Variants in IRAK2 observed in about 807,000 individuals in gnomAD.
IRAK2 encodes the protein interleukin 1 receptor associated kinase 2.
In IRAK2, 57 loss-of-function variants were observed where a neutral mutation model predicts 72.0. The observed-to-expected ratio is 0.79, with a 90% CI of 0.64 to 0.99. The LOEUF (loss-of-function observed/expected upper bound fraction) is 0.99. Ranked by LOEUF, IRAK2 falls within the 50% of genes least tolerant of loss-of-function variation. The pLI is 0.00. For synonymous variants in IRAK2, 293 were observed against 312.7 expected, an observed-to-expected ratio of 0.94 and a Z score of 0.67; for missense variants, 790 against 794.4, an observed-to-expected ratio of 0.99 and a Z score of 0.07.
intron 10 of IRAK2, among the ~76,000 whole-genome samples, chr3:10,229,728 A>G (rs1697830728): frequency 6.6e-6 from 1 of 152,270 alleles, no homozygotes; most frequent in Non-Finnish European, 1.5e-5. Context: ...TTATCCATTT[A>G]CCAGTTGCTG....
chr3:10,193,616 C>T (rs925479048), intron 2 of IRAK2, among the ~76,000 whole-genome samples: 7 of 152,178 alleles, frequency 4.6e-5, no homozygotes, highest in Admixed American at 2.0e-4. Context: ...GAGCAAGACT[C>T]TGCCTCAAAA....
chr3:10,227,653 C>T (rs920335312), intron 10 of IRAK2, among the ~76,000 whole-genome samples: 3 of 150,774 alleles, frequency 2.0e-5, no homozygotes, highest in East Asian at 2.0e-4. Flanking sequence ...CTCCCTGAGC[C>T]GACATCATGA....
intron 1 of IRAK2, among the ~76,000 whole-genome samples, chr3:10,165,949 G>C (rs572649351): frequency 7.2e-5 from 11 of 151,884 alleles, no homozygotes; most frequent in Admixed American, 2.0e-4. Flanking sequence ...AGGATGGTCT[G>C]GATCTCCTGA....
rs536207712 is a variant in IRAK2 at position 10,175,822 on chromosome 3, G to A, written c.95-2016G>A. Among the ~76,000 whole-genome samples the A allele has an allele frequency of 1.1e-3, 166 of 149,860 alleles. 1 individual carries two copies. Among genetic ancestry groups the A allele is most frequent in the Middle Eastern group, 0.01 (3 of 290 alleles). ...GGAGAATGGCCTGAACCCGGGAGGC[G>A]GAGCTTGCAGTGAGCTCAGGAGTGC... is the stretch of plus-strand genomic sequence containing the variant. On this transcript the variant is annotated intron_variant, in intron 1 of 12. Coordinates refer to ENST00000256458, the MANE Select transcript of IRAK2 (RefSeq NM_001570.4).
At chr3:10,210,405 C>T (rs182089942) in intron 4 of IRAK2, among the ~76,000 whole-genome samples, 9 of 151,970 alleles carry the variant, frequency 5.9e-5, no homozygotes, top group South Asian at 2.1e-4. Context: ...CATATTGGTA[C>T]GAAGATAAAT....
intron 11 of IRAK2, among the ~76,000 whole-genome samples, chr3:10,237,805 CAAAAA>C (rs751642671): frequency 3.6e-5 from 2 of 55,806 alleles, no homozygotes; most frequent in East Asian, 5.2e-4. Context: ...GACTCTGTCT[CAAAAA>C]AAAAAAAAAA....
At chr3:10,205,856 G>T (rs1309864682) in intron 3 of IRAK2, among the ~76,000 whole-genome samples, 1 of 152,226 alleles carries the variant, frequency 6.6e-6, no homozygotes, top group Admixed American at 6.5e-5. Context: ...CTTGGAGACC[G>T]GATGAACATA....
At chr3:10,185,456 G>C (rs549126629) in intron 2 of IRAK2, among the ~76,000 whole-genome samples, 64 of 149,336 alleles carry the variant, frequency 4.3e-4, no homozygotes, top group Non-Finnish European at 7.4e-4. Flanking sequence ...ACTCAGGAAG[G>C]CTGAGGCAGG....
chr3:10,194,541 C>T (rs1697234682), intron 2 of IRAK2, among the ~76,000 whole-genome samples: 1 of 152,206 alleles, frequency 6.6e-6, no homozygotes, highest in African/African-American at 2.4e-5. Context: ...CCTCCTTTGC[C>T]TCATCCTGCC....
chr3:10,237,115 TAG>T (rs1349322852), intron 11 of IRAK2, among the ~76,000 whole-genome samples: 1 of 152,188 alleles, frequency 6.6e-6, no homozygotes, highest in Admixed American at 6.5e-5. Context: ...TCTCACATAA[TAG>T]AGAGCAGAAC....
At position 10,197,635 on chromosome 3, in the gene IRAK2, G is replaced by C. The variant is rs1697290511; in HGVS notation, c.278-2734G>C. Among the ~76,000 whole-genome samples the C allele has an allele frequency of 2.0e-5, 3 of 151,938 alleles. No homozygotes were observed. The South Asian group carries it at 6.2e-4, about 32-fold the overall frequency. On this transcript the variant is annotated intron_variant, in intron 2 of 12. Coordinates refer to ENST00000256458, the MANE Select transcript of IRAK2 (RefSeq NM_001570.4). ...TGGGAGGCTGAAGAGGGCGGATCAT[G>C]AGGTCAGGAGATCGAGACCATCCTG...
At chr3:10,190,741 G>A (rs1697162249) in intron 2 of IRAK2, among the ~76,000 whole-genome samples, 1 of 152,160 alleles carries the variant, frequency 6.6e-6, no homozygotes, top group Admixed American at 6.5e-5. Context: ...CTCAGATGAT[G>A]CATTAGCCAG....
intron 1 of IRAK2, among the ~76,000 whole-genome samples, chr3:10,170,607 T>C (rs1696779544): frequency 6.6e-6 from 1 of 152,202 alleles, no homozygotes; most frequent in Non-Finnish European, 1.5e-5. Context: ...TCTCTCCCTA[T>C]GGAATGGAAG....
At chr3:10,184,484 GT>G in intron 2 of IRAK2, among the ~76,000 whole-genome samples, 1 of 152,036 alleles carries the variant, frequency 6.6e-6, no homozygotes, top group Middle Eastern at 3.4e-3. Flanking sequence ...TGTGGGTGAT[GT>G]GTAGCCTTCT....
At chr3:10,221,283 G>T (rs2629458) in intron 8 of IRAK2, among the ~76,000 whole-genome samples, 99,951 of 135,924 alleles carry the variant, frequency 0.74, 37,542 homozygotes, top group East Asian at 0.99. Context: ...AGATGGAGTC[G>T]CGCTCTGTGG....
chr3:10,172,223 C>G lies in IRAK2; in HGVS notation c.95-5615C>G, dbSNP rs556650069. Among the ~76,000 whole-genome samples, 27 of 151,314 alleles carry G rather than the reference C, an allele frequency of 1.8e-4. No homozygotes were observed. The South Asian group carries it at 4.4e-3, about 25-fold the overall frequency. ...GTTTCTACTAAAAAAAAAAATTAGCCGGGCATGGTGGCAGGCGCCTGTAGT... is the reference window on the plus strand; with the variant it reads ...GTTTCTACTAAAAAAAAAAATTAGCGGGGCATGGTGGCAGGCGCCTGTAGT... On this transcript the variant is annotated intron_variant, in intron 1 of 12. Transcript: ENST00000256458.
At chr3:10,205,968 G>A (rs547123282) in intron 3 of IRAK2, among the ~76,000 whole-genome samples, 65 of 152,232 alleles carry the variant, frequency 4.3e-4, no homozygotes, top group African/African-American at 1.5e-3. Flanking sequence ...TCTGCAGGAC[G>A]GGGGCCCTGT....
intron 4 of IRAK2, among the ~76,000 whole-genome samples, chr3:10,212,446 C>T (rs1304569946): frequency 6.6e-6 from 1 of 152,120 alleles, no homozygotes. Context: ...TCCTACTTCC[C>T]AGGAGTCTGG....
At chr3:10,230,287 C>A (rs902380005) in intron 10 of IRAK2, among the ~76,000 whole-genome samples, 1 of 151,746 alleles carries the variant, frequency 6.6e-6, no homozygotes, top group Non-Finnish European at 1.5e-5. Flanking sequence ...TAGTACCCCC[C>A]CCCACCGACA....
Sources: allele counts gnomAD v4.1 joint callset (sites outside exome capture counted in the v4.1 genomes callset), GRCh38; gene constraint gnomAD v4.1.1; transcripts MANE v1.5; gene names NCBI Gene and HGNC (gene_info 2026-07-23, HGNC 2026-07-21).